The following TTC17 variants were observed in gnomAD, a reference collection of about 807,000 sequenced individuals.
TTC17 encodes tetratricopeptide repeat domain 17, also known as tetratricopeptide repeat protein 17.
In TTC17, 58 loss-of-function variants were observed where a neutral mutation model predicts 143.8. That is an observed-to-expected ratio of 0.40 (90% CI 0.33 to 0.50). TTC17 has a LOEUF of 0.50. TTC17 is among the 20% of genes least tolerant of loss of function. TTC17 has a pLI of 0.49. For missense variants in TTC17, 1,273 were observed against 1,392.5 expected (o/e 0.91, Z 1.37); for synonymous variants, 501 against 497.8 (o/e 1.01, Z -0.09).
At chr11:43,391,439 C>A in intron 3 of TTC17, 26 bp from the exon 4 acceptor site, 1 of 1,319,078 alleles carries the variant, frequency 7.6e-7, no homozygotes, top group Non-Finnish European at 1.1e-6. Context: ...ACCTTTTATT[C>A]ATTCATTGCT....
At chr11:43,474,415 A>G (rs1948147833) in intron 21 of TTC17, among the ~76,000 whole-genome samples, 1 of 152,232 alleles carries the variant, frequency 6.6e-6, no homozygotes, top group African/African-American at 2.4e-5. Context: ...CATAGAGGAA[A>G]GAAAATGGGG....
chr11:43,491,757 A>G, intron 22 of TTC17: 1 of 448,596 alleles, frequency 2.2e-6, no homozygotes, highest in Non-Finnish European at 4.1e-6. Context: ...TACATTATTC[A>G]GCAGATTGTT....
At position 43,367,720 on chromosome 11, in the gene TTC17, G is replaced by C. The variant is rs1417903120; in HGVS notation, c.159+8607G>C. The stretch of plus-strand genomic sequence containing the variant: ...GTGAAAACAAGGGGAATGTCTGTGT[G>C]TGTGTGTGTGTGTGTGTGTGTGTGT... On this transcript the variant is annotated intron_variant, in intron 1 of 23. Coordinates refer to ENST00000039989, the MANE Select transcript of TTC17 (RefSeq NM_018259.6). Among the ~76,000 whole-genome samples, 5 of 150,324 alleles carry C rather than the reference G, an allele frequency of 3.3e-5. No individual in the cohort carries two copies. The South Asian group carries it at 6.3e-4, about 19-fold the overall frequency.
chr11:43,448,845 G>A (rs1053577699), intron 19 of TTC17: 4 of 151,062 alleles, frequency 2.6e-5, no homozygotes, highest in South Asian at 2.1e-4. Flanking sequence ...GTTTTTTTTT[G>A]TTTTGTTTTT....
At chr11:43,401,045 C>A (rs1203634527) in intron 9 of TTC17, among the ~76,000 whole-genome samples, 1 of 152,132 alleles carries the variant, frequency 6.6e-6, no homozygotes, top group South Asian at 2.1e-4. Context: ...TTTGGAATTA[C>A]TTACTGCCCA....
intron 21 of TTC17, chr11:43,468,446 A>G (rs1948023950): frequency 6.6e-6 from 1 of 152,226 alleles, no homozygotes; most frequent in Admixed American, 6.5e-5. Flanking sequence ...GGATATGCAT[A>G]TAGAAGAAAA....
intron 10 of TTC17, among the ~76,000 whole-genome samples, chr11:43,402,794 A>G (rs867164963): frequency 1.3e-5 from 2 of 152,190 alleles, no homozygotes; most frequent in South Asian, 2.1e-4. Context: ...TAAAACATTT[A>G]TTCTATCTTA....
At chr11:43,472,650 T>TA (rs1026172224) in intron 21 of TTC17, among the ~76,000 whole-genome samples, 2 of 152,042 alleles carry the variant, frequency 1.3e-5, no homozygotes, top group African/African-American at 4.8e-5. Context: ...ATCATCTTAC[T>TA]AAAAAGCAAA....
intron 21 of TTC17, among the ~76,000 whole-genome samples, chr11:43,465,549 C>G (rs558546520): frequency 6.6e-6 from 1 of 152,210 alleles, no homozygotes; most frequent in South Asian, 2.1e-4. Context: ...TATTCTAGAG[C>G]TGAGAATTGC....
intron 7 of TTC17, 72 bp from the exon 8 acceptor site, chr11:43,397,899 TCCG>T: frequency 6.7e-7 from 1 of 1,487,490 alleles, no homozygotes; most frequent in Non-Finnish European, 9.0e-7. Context: ...CATTTTTTTT[TCCG>T]TGTGTGTGTG....
chr11:43,406,907 G>A (rs983666540), intron 13 of TTC17, among the ~76,000 whole-genome samples: 1 of 152,176 alleles, frequency 6.6e-6, no homozygotes, highest in African/African-American at 2.4e-5. Flanking sequence ...TTACTTTAAT[G>A]TGTGGGGGTA....
At chr11:43,479,014 G>A (rs1677192643) in intron 21 of TTC17, among the ~76,000 whole-genome samples, 1 of 152,150 alleles carries the variant, frequency 6.6e-6, no homozygotes, top group East Asian at 1.9e-4. Context: ...GCTGAAGCAG[G>A]TGGATCACCA....
intron 16 of TTC17, among the ~76,000 whole-genome samples, chr11:43,432,817 C>T (rs1029926650): frequency 1.3e-5 from 2 of 152,154 alleles, no homozygotes; most frequent in Non-Finnish European, 2.9e-5. Context: ...TGGAGCAGAC[C>T]TATACGGTAG....
chr11:43,488,901 G>C (rs1948424894), intron 21 of TTC17, among the ~76,000 whole-genome samples: 1 of 152,010 alleles, frequency 6.6e-6, no homozygotes, highest in African/African-American at 2.4e-5. Flanking sequence ...GGATCTTGCT[G>C]TGTTGCCCAG....
intron 16 of TTC17, among the ~76,000 whole-genome samples, chr11:43,434,807 T>A (rs1398835702): frequency 6.6e-6 from 1 of 152,202 alleles, no homozygotes; most frequent in Non-Finnish European, 1.5e-5. Flanking sequence ...CATAGTCTTG[T>A]TAAATATGGT....
At position 43,359,169 on chromosome 11, in the gene TTC17, C is replaced by A. The variant is rs1038387569; in HGVS notation, c.159+56C>A. 5 of 1,483,406 alleles carry A rather than the reference C, an allele frequency of 3.4e-6. No individual in the cohort carries two copies. In the Admixed American group the frequency reaches 1.3e-4, roughly 38 times the overall value. The allele number at this position is 1,483,406 out of a possible 1,614,324, so 91.9% of individuals were successfully genotyped here. ...GCCCGCCCTCGCCCCGGGGGGATTA[C>A]CCTGCTTGGCCCCTGGCTGTTGGGC... On this transcript the variant is annotated intron_variant, in intron 1 of 23. Transcript: ENST00000039989.
chr11:43,434,403 T>A (rs1947237804), intron 16 of TTC17, among the ~76,000 whole-genome samples: 1 of 152,184 alleles, frequency 6.6e-6, no homozygotes, highest in South Asian at 2.1e-4. Context: ...CCTTCCCTAC[T>A]GATCGGCGGG....
intron 2 of TTC17, among the ~76,000 whole-genome samples, chr11:43,387,116 TG>T (rs555764766): frequency 1.3e-5 from 2 of 152,206 alleles, no homozygotes; most frequent in East Asian, 3.9e-4. Flanking sequence ...GAAAAGCTAT[TG>T]GGGGGAAAAA....
In TTC17 at chr11:43,389,679, A is replaced by G. The variant is rs1450337085; in HGVS notation, c.277A>G (p.Ile93Val). The G allele has an allele frequency of 5.0e-6, 8 of 1,609,232 alleles. No homozygotes were observed. Among genetic ancestry groups the G allele is most frequent in the Non-Finnish European group, 6.8e-6 (8 of 1,178,748 alleles). Residue 93 changes from isoleucine (I) to valine (V), a missense_variant, in exon 3 of 24, where the codon ATA becomes GTA. Coordinates refer to ENST00000039989, the MANE Select transcript of TTC17 (RefSeq NM_018259.6). ...ACAATTAGTTGCTCAAAAAATTCAC[A>G]TAGAAGAGAATGAGGACAGAGACAC... ...EKQLVAQKIH[I>V]EENEDRDTGL... is the part of the protein sequence containing the mutation.
Sources: gnomAD v4.1 joint callset for allele counts (sites outside exome capture counted in the v4.1 genomes callset) on GRCh38, gnomAD v4.1.1 for gene constraint, MANE v1.5 for transcripts, NCBI Gene and HGNC (gene_info 2026-07-23, HGNC 2026-07-21) for gene names.